The following LCLAT1 variants were observed in gnomAD, a reference collection of about 807,000 sequenced individuals.
LCLAT1 encodes the protein 1-AGP acyltransferase 8.
In LCLAT1, 11 loss-of-function variants were observed where a neutral mutation model predicts 30.7. The observed-to-expected ratio is 0.36, with a 90% CI of 0.23 to 0.59. The LOEUF (loss-of-function observed/expected upper bound fraction) is 0.59, where lower values mean the gene tolerates loss of function less well. Among genes scored for constraint, LCLAT1 ranks in the 20% least tolerant of loss-of-function variants. LCLAT1 has a pLI of 0.77. For missense variants in LCLAT1, 402 were observed against 458.6 expected, an observed-to-expected ratio of 0.88 and a Z score of 1.13; for synonymous variants, 155 against 151.3, an observed-to-expected ratio of 1.02 and a Z score of -0.18.
Position 30,490,543 on chromosome 2 carries a change from C to G in LCLAT1, c.-4-35044C>G, listed in dbSNP as rs572893050. Reference sequence around the variant, plus strand: ...TTTGATTGTAGGAAGGCCTAGGACTCAAAAAAGGAAATTTTCCTGGTAACT... The same window carrying G: ...TTTGATTGTAGGAAGGCCTAGGACTGAAAAAAGGAAATTTTCCTGGTAACT... On this transcript the variant is annotated intron_variant, in intron 1 of 5. Transcript: ENST00000379509. 3.3e-5 allele frequency among the ~76,000 whole-genome samples: 5 copies of G among 152,068 alleles called. No homozygotes were observed. In the South Asian group the frequency reaches 8.3e-4, roughly 25 times the overall value.
intron 1 of LCLAT1, among the ~76,000 whole-genome samples, chr2:30,462,956 A>G (rs1227730690): frequency 1.3e-5 from 2 of 152,056 alleles, no homozygotes; most frequent in Non-Finnish European, 2.9e-5. Flanking sequence ...ATTATACCCA[A>G]TCTCTTGGTA....
chr2:30,596,500 T>C (rs1666935489), intron 5 of LCLAT1, among the ~76,000 whole-genome samples: 1 of 152,086 alleles, frequency 6.6e-6, no homozygotes. Context: ...GTTTTTTTTT[T>C]CTTGTAAATT....
chr2:30,542,953 CTTT>C (rs34535640), intron 3 of LCLAT1, among the ~76,000 whole-genome samples: 26 of 124,220 alleles, frequency 2.1e-4, no homozygotes, highest in East Asian at 1.3e-3. Context: ...ACTTTTATGG[CTTT>C]TTTTTTTTTT....
chr2:30,471,335 G>C (rs889732446), intron 1 of LCLAT1, among the ~76,000 whole-genome samples: 4 of 152,038 alleles, frequency 2.6e-5, no homozygotes, highest in African/African-American at 7.3e-5. Context: ...TCAGCCTCCT[G>C]AGTAGCTGGA....
chr2:30,456,992 GGTTA>G (rs1246665760), intron 1 of LCLAT1, among the ~76,000 whole-genome samples: 7 of 152,156 alleles, frequency 4.6e-5, no homozygotes, highest in Non-Finnish European at 1.0e-4. Context: ...GCTAGTTTTG[GGTTA>G]GTTACTTGGA....
At chr2:30,616,825 A>C (rs77341143) in intron 5 of LCLAT1, among the ~76,000 whole-genome samples, 2,377 of 152,224 alleles carry the variant, frequency 0.016, 63 homozygotes, top group African/African-American at 0.054. Context: ...TGTTTCAAAT[A>C]AAATGCTAAT....
intron 1 of LCLAT1, among the ~76,000 whole-genome samples, chr2:30,521,008 G>A: frequency 6.6e-6 from 1 of 152,090 alleles, no homozygotes; most frequent in East Asian, 1.9e-4. Flanking sequence ...GATGAGATAG[G>A]AGGTCACCAC....
chr2:30,587,604 T>G (rs1361162999), intron 5 of LCLAT1, among the ~76,000 whole-genome samples: 1 of 152,212 alleles, frequency 6.6e-6, no homozygotes, highest in East Asian at 1.9e-4. Context: ...AAAATAGGCT[T>G]ATTATCTAAT....
rs137942786 is a variant in LCLAT1 at position 30,607,979 on chromosome 2, G to A, written c.629-32138G>A. 240 of 180,986 alleles carry A rather than the reference G, an allele frequency of 1.3e-3. 1 individual carries two copies. Among genetic ancestry groups the A allele is most frequent in the African/African-American group, 5.5e-3 (231 of 41,712 alleles). The allele number at this position is 180,986 out of a possible 1,614,324, so 11.2% of individuals were successfully genotyped here. The stretch of plus-strand genomic sequence containing the variant: ...ATCAGGATAGAAAGAAAGTCTTTTT[G>A]TACAACTTTACAATAGGTTTGTGTT... On this transcript the variant is annotated intron_variant, in intron 5 of 5. Transcript: ENST00000379509.
chr2:30,640,411 A>G lies in LCLAT1; in HGVS notation c.923A>G (p.Lys308Arg), dbSNP rs368413889. 6.2e-7 allele frequency: 1 copy of G among 1,614,082 alleles called. No individual in the cohort carries two copies. The highest frequency in any genetic ancestry group is 1.3e-5 in the African/African-American group (1 of 74,930). The change falls in exon 6 of 6, where the codon AAA (lysine) becomes AGA (arginine). Residue 308 changes from lysine (K) to arginine (R), a missense_variant. Transcript: ENST00000379509. ...CKSELRVLVV[K>R]LLSILYWTLF... ...TCTGAACTCAGGGTCCTTGTGGTCA[A>G]ATTGCTCTCTATACTGTATTGGACC... is the stretch of plus-strand genomic sequence containing the variant.
At chr2:30,484,701 A>G (rs1683478897) in intron 1 of LCLAT1, among the ~76,000 whole-genome samples, 1 of 152,190 alleles carries the variant, frequency 6.6e-6, no homozygotes, top group African/African-American at 2.4e-5. Context: ...TAATATGACT[A>G]GAACTATTAT....
intron 3 of LCLAT1, among the ~76,000 whole-genome samples, chr2:30,561,079 T>C (rs1665196701): frequency 6.6e-6 from 1 of 152,084 alleles, no homozygotes; most frequent in African/African-American, 2.4e-5. Context: ...GTAGCTGGAA[T>C]TACAGGCACC....
At chr2:30,636,489 A>G (rs1669030540) in intron 5 of LCLAT1, among the ~76,000 whole-genome samples, 1 of 152,194 alleles carries the variant, frequency 6.6e-6, no homozygotes, top group African/African-American at 2.4e-5. Context: ...AGTAAGCCAC[A>G]GAGATATTGA....
At chr2:30,557,565 C>T (rs1360474864) in intron 3 of LCLAT1, among the ~76,000 whole-genome samples, 2 of 152,040 alleles carry the variant, frequency 1.3e-5, no homozygotes, top group Admixed American at 6.6e-5. Context: ...CAGGCATGCA[C>T]CACCATGCCT....
chr2:30,515,222 C>T (rs1406611421), intron 1 of LCLAT1, among the ~76,000 whole-genome samples: 3 of 152,292 alleles, frequency 2.0e-5, no homozygotes, highest in African/African-American at 7.2e-5. Context: ...TAGCAGAGTT[C>T]ATCTTGTCTA....
In LCLAT1 at chr2:30,585,692, T is replaced by C. The variant is rs545966950; in HGVS notation, c.628+17516T>C. Among the ~76,000 whole-genome samples the C allele has an allele frequency of 2.6e-5, 4 of 152,322 alleles. No individual in the cohort carries two copies. In the South Asian group the frequency reaches 8.3e-4, roughly 32 times the overall value. Reference sequence around the variant, plus strand: ...TCTGTGTTCATGCTTTTCTCTCTTATCGGTTATACTCTGTGGTCCATTGTT... The same window carrying C: ...TCTGTGTTCATGCTTTTCTCTCTTACCGGTTATACTCTGTGGTCCATTGTT... On this transcript the variant is annotated intron_variant, in intron 5 of 5. Coordinates refer to ENST00000379509, the MANE Select transcript of LCLAT1 (RefSeq NM_001002257.3).
At chr2:30,606,144 C>T (rs1370436705) in intron 5 of LCLAT1, 7 of 731,402 alleles carry the variant, frequency 9.6e-6, no homozygotes, top group Admixed American at 2.9e-5. Context: ...GAATCAATAT[C>T]GTGAAATTGG....
chr2:30,520,959 G>C (rs1272394401), intron 1 of LCLAT1, among the ~76,000 whole-genome samples: 2 of 152,070 alleles, frequency 1.3e-5, no homozygotes, highest in Non-Finnish European at 2.9e-5. Context: ...AAACCTACTG[G>C]GCTACATTTT....
chr2:30,532,421 A>G (rs1686025381), intron 2 of LCLAT1, among the ~76,000 whole-genome samples: 1 of 152,206 alleles, frequency 6.6e-6, no homozygotes, highest in South Asian at 2.1e-4. Flanking sequence ...AGAGTTTGAA[A>G]TCAATAATCA....
Sources: allele counts gnomAD v4.1 joint callset (sites outside exome capture counted in the v4.1 genomes callset), GRCh38; gene constraint gnomAD v4.1.1; transcripts MANE v1.5; gene names NCBI Gene and HGNC (gene_info 2026-07-23, HGNC 2026-07-21).